The following FBN1 variants were observed in gnomAD, a reference collection of about 807,000 sequenced individuals.
The protein encoded by FBN1 is fibrillin-1.
FBN1 carries 29 observed loss-of-function variants against 365.1 expected under a neutral mutation model. The observed-to-expected ratio is 0.08, with a 90% CI of 0.06 to 0.11. The LOEUF (loss-of-function observed/expected upper bound fraction) is 0.11, where lower values mean the gene tolerates loss of function less well. Among genes scored for constraint, FBN1 ranks in the 10% least tolerant of loss-of-function variants. FBN1 has a pLI of 1.00. For synonymous variants in FBN1, 1,210 were observed against 1,270.5 expected (o/e 0.95, Z 1.01); for missense variants, 2,476 against 3,703.2 (o/e 0.67, Z 8.60).
chr15:48,485,237 CTTGA>C, intron 30 of FBN1, 133 bp downstream of exon 30: 1 of 1,121,754 alleles, frequency 8.9e-7, no homozygotes, highest in Non-Finnish European at 1.3e-6. Context: ...TAATAGGTAT[CTTGA>C]TTAAGGATAC....
intron 26 of FBN1, 34 bp from the exon 27 acceptor site, chr15:48,488,275 C>T: frequency 6.2e-7 from 1 of 1,614,176 alleles, no homozygotes; most frequent in Admixed American, 1.7e-5. Context: ...GCAAATGAGT[C>T]TCAGGACAGC....
chr15:48,581,513 G>A (rs1031834643), intron 6 of FBN1, among the ~76,000 whole-genome samples: 3 of 152,108 alleles, frequency 2.0e-5, no homozygotes, highest in Admixed American at 2.0e-4. Context: ...CTGATTCTAT[G>A]CACAGCTCAA....
rs940283692 is a variant in FBN1, at chr15:48,542,068, T to C, written c.539-4260A>G. Among the ~76,000 whole-genome samples the C allele has an allele frequency of 3.9e-5, 6 of 152,334 alleles. No individual in the cohort carries two copies. In the East Asian group the frequency reaches 9.6e-4, roughly 24 times the overall value. ...CTCAAGGATTGCTCTCCAGTCCCGT[T>C]AGATTTGGCCTCAAGGCTTGGGCTC... is the stretch of plus-strand genomic sequence containing the variant. On this transcript the variant is annotated intron_variant, in intron 6 of 65. Transcript: ENST00000316623.
At chr15:48,568,138 T>C (rs1351331043) in intron 6 of FBN1, among the ~76,000 whole-genome samples, 1 of 101,452 alleles carries the variant, frequency 9.9e-6, no homozygotes, top group Admixed American at 1.0e-4. Flanking sequence ...CTAAGGAATC[T>C]ACCAAAAAAA....
At chr15:48,624,756 G>A (rs117240424) in intron 2 of FBN1, among the ~76,000 whole-genome samples, 1 of 152,208 alleles carries the variant, frequency 6.6e-6, no homozygotes, top group Non-Finnish European at 1.5e-5. Flanking sequence ...AAGCCACACT[G>A]TACTTTTCCA....
At chr15:48,634,857 CCACACACACACACACACACACACA>C (rs57811526) in intron 2 of FBN1, among the ~76,000 whole-genome samples, 1 of 69,160 alleles carries the variant, frequency 1.4e-5, no homozygotes, top group South Asian at 6.6e-4. Context: ...AAAAAAAAAA[CCACACACACACACACACACACACA>C]CACACACACA....
intron 42 of FBN1, among the ~76,000 whole-genome samples, chr15:48,462,821 T>C (rs1352733119): frequency 6.6e-6 from 1 of 152,216 alleles, no homozygotes; most frequent in African/African-American, 2.4e-5. Flanking sequence ...AATGAGAACA[T>C]TGTTTATAGT....
chr15:48,532,301 T>A (rs972695236), intron 8 of FBN1, among the ~76,000 whole-genome samples: 4 of 152,234 alleles, frequency 2.6e-5, no homozygotes, highest in Admixed American at 6.5e-5. Flanking sequence ...GCTGATTATA[T>A]ATTCTGAAGC....
chr15:48,437,482 G>A, intron 51 of FBN1, 95 bp from the exon 52 acceptor site: 2 of 1,096,488 alleles, frequency 1.8e-6, no homozygotes, highest in South Asian at 2.6e-5. Context: ...TACATGCTGT[G>A]CATATTGATA....
intron 2 of FBN1, chr15:48,643,135 G>A (rs544455086): frequency 1.1e-4 from 17 of 152,336 alleles, no homozygotes; most frequent in African/African-American, 3.8e-4. Flanking sequence ...TTATTATGTA[G>A]GAGAAATGTA....
At chr15:48,496,324 A>G in intron 19 of FBN1, 99 bp from the exon 20 acceptor site, 5 of 1,513,558 alleles carry the variant, frequency 3.3e-6, no homozygotes, top group East Asian at 4.6e-5. Context: ...TAACGACGTG[A>G]TCAATTCAAG....
intron 46 of FBN1, 95 bp from the exon 47 acceptor site, chr15:48,446,917 G>C (rs922864547): frequency 2.5e-6 from 2 of 807,496 alleles, no homozygotes; most frequent in African/African-American, 3.4e-5. Flanking sequence ...GGTTCACCAG[G>C]CCTCATCCAT....
At chr15:48,428,513 C>G in intron 56 of FBN1, 42 bp from the exon 57 acceptor site, 2 of 1,612,718 alleles carry the variant, frequency 1.2e-6, no homozygotes, top group Non-Finnish European at 1.7e-6. Flanking sequence ...GAAGAGTCAT[C>G]TGACCATTTT....
chr15:48,576,329 T>C (rs568058934), intron 6 of FBN1, among the ~76,000 whole-genome samples: 13 of 152,344 alleles, frequency 8.5e-5, no homozygotes, highest in Admixed American at 5.9e-4. Context: ...AATTTTCCAA[T>C]CCTTAATTCT....
chr15:48,576,309 A>G (rs371956040), intron 6 of FBN1, among the ~76,000 whole-genome samples: 23 of 152,124 alleles, frequency 1.5e-4, no homozygotes, highest in South Asian at 6.2e-4. Context: ...TTTAGGCTCT[A>G]CAAATCCTTA....
intron 8 of FBN1, chr15:48,529,703 A>C (rs2043951062): frequency 6.6e-6 from 1 of 151,888 alleles, no homozygotes; most frequent in Non-Finnish European, 1.5e-5. Context: ...AATGCCACTG[A>C]GCCTGTGAGC....
At chr15:48,578,793 G>A (rs368604882) in intron 6 of FBN1, among the ~76,000 whole-genome samples, 2 of 140,438 alleles carry the variant, frequency 1.4e-5, no homozygotes, top group African/African-American at 5.3e-5. Context: ...ACTCATAGGT[G>A]GGAATTGAAC....
chr15:48,566,724 C>T lies in FBN1; in HGVS notation c.539-28916G>A, dbSNP rs143730951. ...AAAGGACTTCAGAGATCTTCTAGTTCAACCCCTTGGATTTATAGAGGAACA... is the reference window on the plus strand; with the variant it reads ...AAAGGACTTCAGAGATCTTCTAGTTTAACCCCTTGGATTTATAGAGGAACA... On this transcript the variant is annotated intron_variant, in intron 6 of 65. Transcript: ENST00000316623. Among the ~76,000 whole-genome samples the T allele has an allele frequency of 2.4e-3, 360 of 152,310 alleles. 4 individuals carry two copies. The East Asian group carries it at 0.028, about 12-fold the overall frequency.
chr15:48,641,706 T>G (rs1164643835), intron 2 of FBN1: 1 of 152,130 alleles, frequency 6.6e-6, no homozygotes, highest in African/African-American at 2.4e-5. Flanking sequence ...GTCAAAGAGG[T>G]GAGTTTTGAA....
Sources: allele counts gnomAD v4.1 joint callset (sites outside exome capture counted in the v4.1 genomes callset), GRCh38; gene constraint gnomAD v4.1.1; transcripts MANE v1.5; gene names NCBI Gene and HGNC (gene_info 2026-07-23, HGNC 2026-07-21).